The following TMCC1 variants were observed in gnomAD, a reference collection of about 807,000 sequenced individuals.
The protein encoded by TMCC1 is transmembrane and coiled-coil domain family 1.
A neutral mutation model predicts 52.4 loss-of-function variants in TMCC1; 15 were observed. The observed-to-expected ratio is 0.29, with a 90% confidence interval of 0.19 to 0.44. The LOEUF (loss-of-function observed/expected upper bound fraction) is 0.44, where lower values mean the gene tolerates loss of function less well. TMCC1 is among the 20% of genes least tolerant of loss of function. The pLI, the probability that TMCC1 is intolerant of heterozygous loss-of-function variation, is 1.00. For missense variants in TMCC1, 503 were observed against 806.0 expected (o/e 0.62, Z 4.55); for synonymous variants, 279 against 301.9 (o/e 0.92, Z 0.79).
intron 4 of TMCC1, among the ~76,000 whole-genome samples, chr3:129,701,815 G>C (rs980305199): frequency 2.6e-5 from 4 of 152,042 alleles, no homozygotes; most frequent in Non-Finnish European, 5.9e-5. Context: ...TTTTGAAATT[G>C]CAAAACATCA....
chr3:129,842,477 A>AAC (rs61106930), intron 2 of TMCC1, among the ~76,000 whole-genome samples: 9,810 of 147,644 alleles, frequency 0.066, 418 homozygotes, highest in South Asian at 0.096. Context: ...AAAAAAACAA[A>AAC]ACACACACAC....
intron 2 of TMCC1, among the ~76,000 whole-genome samples, chr3:129,863,358 G>C (rs2060480095): frequency 6.6e-6 from 1 of 152,090 alleles, no homozygotes; most frequent in Non-Finnish European, 1.5e-5. Flanking sequence ...TTAATAAAAG[G>C]AATCAGGCAT....
At chr3:129,721,704 CAAAAAAAAAAAA>C (rs765601986) in intron 4 of TMCC1, among the ~76,000 whole-genome samples, 2 of 76,058 alleles carry the variant, frequency 2.6e-5, no homozygotes, top group Non-Finnish European at 5.9e-5. Flanking sequence ...ACTAAAAATA[CAAAAAAAAAAAA>C]AAAAAAAAAA....
intron 2 of TMCC1, among the ~76,000 whole-genome samples, chr3:129,877,624 CTTT>C (rs760525326): frequency 3.9e-5 from 5 of 126,886 alleles, no homozygotes; most frequent in Admixed American, 1.6e-4. Context: ...ATCCCTAAGT[CTTT>C]TTTTTTTTTT....
At chr3:129,815,780 CAAAGG>C (rs2058066368) in intron 4 of TMCC1, among the ~76,000 whole-genome samples, 1 of 152,064 alleles carries the variant, frequency 6.6e-6, no homozygotes, top group Non-Finnish European at 1.5e-5. Flanking sequence ...TTCTGCACAG[CAAAGG>C]AAACAATCAA....
At chr3:129,713,034 G>T (rs1184181673) in intron 4 of TMCC1, among the ~76,000 whole-genome samples, 2 of 152,088 alleles carry the variant, frequency 1.3e-5, no homozygotes, top group African/African-American at 4.8e-5. Context: ...TGCCAAGGCG[G>T]GAGGATTGCT....
chr3:129,742,746 G>C (rs2051573434), intron 4 of TMCC1, among the ~76,000 whole-genome samples: 1 of 152,134 alleles, frequency 6.6e-6, no homozygotes, highest in Non-Finnish European at 1.5e-5. Flanking sequence ...TGTCCAAAAA[G>C]TAGAAACAAC....
At chr3:129,752,744 A>G (rs1211790724) in intron 4 of TMCC1, among the ~76,000 whole-genome samples, 1 of 152,158 alleles carries the variant, frequency 6.6e-6, no homozygotes, top group Non-Finnish European at 1.5e-5. Flanking sequence ...ATCAATTTCA[A>G]AGAATAAGGC....
chr3:129,817,020 CCTGT>C (rs373137866), intron 4 of TMCC1, among the ~76,000 whole-genome samples: 2 of 151,722 alleles, frequency 1.3e-5, no homozygotes, highest in African/African-American at 4.8e-5. Flanking sequence ...AGAGCGAGAG[CCTGT>C]CTAAAAAGAA....
At chr3:129,838,340 T>A (rs1188633332) in intron 2 of TMCC1, among the ~76,000 whole-genome samples, 1 of 151,826 alleles carries the variant, frequency 6.6e-6, no homozygotes, top group Non-Finnish European at 1.5e-5. Flanking sequence ...GCCCTGGAGG[T>A]CGAGGCTGCA....
At chr3:129,731,826 T>C (rs897575757) in intron 4 of TMCC1, among the ~76,000 whole-genome samples, 3 of 152,110 alleles carry the variant, frequency 2.0e-5, no homozygotes, top group Non-Finnish European at 4.4e-5. Flanking sequence ...GGTTTTGCCA[T>C]GCTGCCCAGG....
rs376469822 is a variant in TMCC1, at chr3:129,870,066, C to T, written c.-184+10243G>A. ...TGTAAAATTATAAACTTTAACAATC[C>T]TTGAGGACAGCATCCTCAAAATATG... On this transcript the variant is annotated intron_variant, in intron 2 of 6. Transcript: ENST00000393238. Among the ~76,000 whole-genome samples, 7 of 152,230 alleles carry T rather than the reference C, an allele frequency of 4.6e-5. No homozygotes were observed. The East Asian group carries it at 1.4e-3, about 29-fold the overall frequency.
rs543368799 is a variant in TMCC1, at chr3:129,651,506, T to C, written c.1937A>G (p.Glu646Gly). ...TCATCTAGGGGATGAAAAGAACCGTTCCACATAGCTGAAGAGGGCGTCCCA... is the reference window on the plus strand; with the variant it reads ...TCATCTAGGGGATGAAAAGAACCGTCCCACATAGCTGAAGAGGGCGTCCCA... Reference protein sequence around the residue: ...KHWDALFSYVERFFSSPR With the variant: ...KHWDALFSYVGRFFSSPR The change falls in exon 7 of 7, where the codon GAA (glutamate) becomes GGA (glycine). Residue 646 changes from glutamate (E) to glycine (G), a missense_variant. Physicochemically the swap from Glu to Gly is moderately conservative, Grantham distance 98. This residue lies in a region of TMCC1 where 50 missense variants were observed against 62.6 expected (regional missense o/e 0.80). Transcript: ENST00000393238. The surrounding 1 kb of genome is among the most constrained non-coding windows in gnomAD (Gnocchi z 5.1). 1.2e-6 allele frequency: 2 copies of C among 1,614,044 alleles called. No homozygotes were observed. The highest frequency in any genetic ancestry group is 1.3e-5 in the African/African-American group (1 of 74,986).
chr3:129,668,959 T>C (rs945379688), intron 5 of TMCC1, among the ~76,000 whole-genome samples: 1 of 152,204 alleles, frequency 6.6e-6, no homozygotes, highest in Non-Finnish European at 1.5e-5. Context: ...TAAATAAAAA[T>C]AGTAATGTAC....
rs77843104 is a variant in TMCC1, at chr3:129,776,361, T to G, written c.576+51442A>C. ...AATAAGTGAATAAAATGTATGAAACTAAAGCTCAGCTCAGAAGGAAGATCT... is the reference window on the plus strand; with the variant it reads ...AATAAGTGAATAAAATGTATGAAACGAAAGCTCAGCTCAGAAGGAAGATCT... On this transcript the variant is annotated intron_variant, in intron 4 of 6. Coordinates refer to ENST00000393238, the MANE Select transcript of TMCC1 (RefSeq NM_001017395.5). 2.1e-3 allele frequency among the ~76,000 whole-genome samples: 322 copies of G among 152,318 alleles called. 7 individuals are homozygous for G. In the East Asian group the frequency reaches 0.057, roughly 27 times the overall value.
chr3:129,786,159 C>T (rs993356698), intron 4 of TMCC1, among the ~76,000 whole-genome samples: 12 of 152,028 alleles, frequency 7.9e-5, no homozygotes, highest in Admixed American at 3.9e-4. Context: ...AGGCTGGTCT[C>T]GAATTCCTGG....
At chr3:129,739,657 T>A (rs370162478) in intron 4 of TMCC1, among the ~76,000 whole-genome samples, 2 of 152,168 alleles carry the variant, frequency 1.3e-5, no homozygotes, top group African/African-American at 4.8e-5. Flanking sequence ...ATATTAAGTA[T>A]CTAATCTCCA....
In TMCC1 at chr3:129,769,409, T is replaced by C. The variant is rs373393743; in HGVS notation, c.576+58394A>G. Reference sequence around the variant, plus strand: ...CACACCTGGCTAATTTTTGTATTTTTAGTAGAGACGGGGTTTCACCATGTT... The same window carrying C: ...CACACCTGGCTAATTTTTGTATTTTCAGTAGAGACGGGGTTTCACCATGTT... On this transcript the variant is annotated intron_variant, in intron 4 of 6. Coordinates refer to ENST00000393238, the MANE Select transcript of TMCC1 (RefSeq NM_001017395.5). Among the ~76,000 whole-genome samples the C allele has an allele frequency of 4.6e-5, 7 of 152,274 alleles. No homozygotes were observed. The East Asian group carries it at 1.4e-3, about 29-fold the overall frequency.
chr3:129,687,674 C>T (rs920684387), intron 4 of TMCC1, among the ~76,000 whole-genome samples: 2 of 152,128 alleles, frequency 1.3e-5, no homozygotes, highest in African/African-American at 4.8e-5. Flanking sequence ...CATTCACAAC[C>T]ACTTGATATC....
Sources: gnomAD v4.1 joint callset for allele counts (sites outside exome capture counted in the v4.1 genomes callset) on GRCh38, gnomAD v4.1.1 for gene constraint, gnomAD v4.1.1 regional missense constraint, Gnocchi (gnomAD v3.1) non-coding constraint, MANE v1.5 for transcripts, NCBI Gene and HGNC (gene_info 2026-07-23, HGNC 2026-07-21) for gene names.